Variants in MEI1 observed in about 807,000 individuals in gnomAD.
The protein encoded by MEI1 is meiotic double-stranded break formation protein 1, also known as meiosis inhibitor protein 1.
In MEI1, 103 loss-of-function variants were observed where a neutral mutation model predicts 146.2. The ratio of observed to expected loss-of-function variants is 0.70; its 90% confidence interval spans 0.60 to 0.83. The LOEUF (loss-of-function observed/expected upper bound fraction) is 0.83. MEI1 is among the 40% of genes least tolerant of loss of function. The pLI, the probability that MEI1 is intolerant of heterozygous loss-of-function variation, is 0.00. For synonymous variants in MEI1, 652 were observed against 628.2 expected (o/e 1.04, Z -0.57); for missense variants, 1,529 against 1,533.0 (o/e 1.00, Z 0.04).
intron 1 of MEI1, among the ~76,000 whole-genome samples, chr22:41,701,989 C>T (rs557851705): frequency 6.6e-6 from 1 of 152,164 alleles, no homozygotes; most frequent in African/African-American, 2.4e-5. Context: ...TGAACATAAT[C>T]TGTCAGATGA....
chr22:41,737,746 A>G (rs1470303204), intron 11 of MEI1, among the ~76,000 whole-genome samples: 1 of 152,132 alleles, frequency 6.6e-6, no homozygotes, highest in Non-Finnish European at 1.5e-5. Context: ...CCACTAAAAT[A>G]TAAGCTCCAG....
At chr22:41,763,619 G>A (rs757973013) in intron 19 of MEI1, among the ~76,000 whole-genome samples, 1 of 152,034 alleles carries the variant, frequency 6.6e-6, no homozygotes, top group Non-Finnish European at 1.5e-5. Context: ...GGAGGCTGAG[G>A]TGGGCGGATC....
intron 3 of MEI1, chr22:41,709,509 G>C (rs17002623): frequency 0.024 from 14,203 of 601,854 alleles, 1,465 homozygotes; most frequent in African/African-American, 0.23. Flanking sequence ...CGACGGCAGC[G>C]GGATGTAGGT....
chr22:41,750,689 T>C (rs2073688432), intron 15 of MEI1, among the ~76,000 whole-genome samples: 1 of 152,210 alleles, frequency 6.6e-6, no homozygotes, highest in South Asian at 2.1e-4. Flanking sequence ...GACTGGTTGT[T>C]AGCCCATGTG....
chr22:41,765,883 CTTTTTTTTTTTT>C lies in MEI1; in HGVS notation c.2268+2576_2268+2587del, dbSNP rs1013045266. Reference sequence around the variant, plus strand: ...TCAAATTTCACTATACCAAAATGTTCTTTTTTTTTTTTTTTTTTTTTTTTTAGACGGAGTCTT... The same window carrying C: ...TCAAATTTCACTATACCAAAATGTTCTTTTTTTTTTTTTAGACGGAGTCTT... On this transcript the variant is annotated intron_variant, in intron 19 of 30. Coordinates refer to ENST00000401548, the MANE Select transcript of MEI1 (RefSeq NM_152513.4). 5.8e-5 allele frequency among the ~76,000 whole-genome samples: 5 copies of C among 86,106 alleles called. No individual in the cohort carries two copies. In the South Asian group the frequency reaches 1.9e-3, roughly 33 times the overall value. 56.5% of individuals were successfully genotyped at this position (86,106 alleles called of 152,430 possible). A position where few individuals can be genotyped will look rare whatever the true frequency, so the allele number is the denominator to read the frequency against.
chr22:41,713,791 G>A (rs1190470342), intron 3 of MEI1, among the ~76,000 whole-genome samples: 6 of 152,102 alleles, frequency 3.9e-5, no homozygotes, highest in African/African-American at 9.7e-5. Flanking sequence ...CAGGTGATCC[G>A]CCTGCCTCGG....
chr22:41,789,712 C>T (rs1291733986), intron 26 of MEI1, among the ~76,000 whole-genome samples: 1 of 152,152 alleles, frequency 6.6e-6, no homozygotes, highest in East Asian at 1.9e-4. Flanking sequence ...GTAGGGACCT[C>T]ATGTAAGTGG....
intron 14 of MEI1, among the ~76,000 whole-genome samples, chr22:41,747,049 T>TATA (rs3045435): frequency 2.6e-3 from 382 of 149,428 alleles, no homozygotes; most frequent in Non-Finnish European, 3.9e-3. Context: ...ATATTACTTT[T>TATA]ATAATAATAA....
chr22:41,784,334 G>C lies in MEI1; in HGVS notation c.3088-5G>C. On this transcript the variant is annotated splice_polypyrimidine_tract_variant and splice_region_variant and intron_variant, in intron 24 of 30. Coordinates refer to ENST00000401548, the MANE Select transcript of MEI1 (RefSeq NM_152513.4). ...GGGTTAGCCCTTTACCCTGTGCCCT[G>C]CCAGGTTCACCAGACACTCTCTGTG... is the stretch of plus-strand genomic sequence containing the variant. 6.2e-7 allele frequency: 1 copy of C among 1,613,374 alleles called. No homozygotes were observed. Among genetic ancestry groups the C allele is most frequent in the Non-Finnish European group, 8.5e-7 (1 of 1,179,754 alleles).
At position 41,745,030 on chromosome 22, in the gene MEI1, C is replaced by T. The variant is rs1437238752; in HGVS notation, c.1504C>T (p.Leu502Phe). The stretch of plus-strand genomic sequence containing the variant: ...CATTCTTCAAAGGGGAAAGTTCCTC[C>T]TCAGCACTCTGGAGGGATTTAGAAG... Reference protein sequence around the residue: ...KAILQRGKFLLSTLEGFRSAC... With the variant: ...KAILQRGKFLFSTLEGFRSAC... Residue 502 changes from leucine to phenylalanine, a missense_variant, in exon 13 of 31, where the codon CTC becomes TTC. Physicochemically the swap from Leu to Phe is conservative, Grantham distance 22. Transcript: ENST00000401548. The T allele has an allele frequency of 1.9e-6, 3 of 1,565,088 alleles. No homozygotes were observed. The highest frequency in any genetic ancestry group is 8.7e-7 in the Non-Finnish European group (1 of 1,154,054).
intron 20 of MEI1, among the ~76,000 whole-genome samples, chr22:41,771,383 A>G (rs533839860): frequency 3.9e-5 from 6 of 152,310 alleles, no homozygotes; most frequent in Admixed American, 2.0e-4. Context: ...GACTTACATG[A>G]TAATATTATA....
intron 3 of MEI1, among the ~76,000 whole-genome samples, chr22:41,710,641 A>T (rs1279863593): frequency 6.6e-6 from 1 of 152,200 alleles, no homozygotes; most frequent in Non-Finnish European, 1.5e-5. Context: ...AGTGAATTTT[A>T]TGGGTGTGAT....
chr22:41,722,228 C>G (rs2070916357), intron 6 of MEI1: 1 of 151,708 alleles, frequency 6.6e-6, no homozygotes, highest in Admixed American at 6.6e-5. Context: ...CACCAAGGGT[C>G]TTATATTCTG....
Position 41,699,694 on chromosome 22 carries a change from G to T in MEI1, c.156G>T (p.Leu52=). Residue 52 remains leucine, a synonymous_variant, in exon 1 of 31, where the codon CTG becomes CTT. Transcript: ENST00000401548. Reference sequence around the variant, plus strand: ...GCCTGGCCTGCGCGCTGGAGCTGCTGCCGGACCCCGGCGTGTCGGTGCGGG... The same window carrying T: ...GCCTGGCCTGCGCGCTGGAGCTGCTTCCGGACCCCGGCGTGTCGGTGCGGG... The part of the protein sequence containing the change: ...RLCLACALEL[L]PDPGVSLVRK... The T allele has an allele frequency of 4.4e-6, 7 of 1,583,198 alleles. No homozygotes were observed. The highest frequency in any genetic ancestry group is 6.0e-6 in the Non-Finnish European group (7 of 1,165,576).
At chr22:41,712,672 A>ATGTGTGTGTGTG (rs140926503) in intron 3 of MEI1, among the ~76,000 whole-genome samples, 3,639 of 147,002 alleles carry the variant, frequency 0.025, 168 homozygotes, top group African/African-American at 0.081. Context: ...ATAGAAATAG[A>ATGTGTGTGTGTG]TGTGTGTGTG....
chr22:41,733,076 C>T (rs998737275), intron 11 of MEI1, among the ~76,000 whole-genome samples: 4 of 151,974 alleles, frequency 2.6e-5, no homozygotes, highest in Non-Finnish European at 5.9e-5. Context: ...CCACCGCATC[C>T]AGCTGAAAAT....
intron 6 of MEI1, 52 bp from the exon 7 acceptor site, chr22:41,723,891 C>T: frequency 6.4e-7 from 1 of 1,554,398 alleles, no homozygotes; most frequent in Non-Finnish European, 8.7e-7. Context: ...CTTGGGAGTA[C>T]TCTGGTGCCT....
At chr22:41,715,091 A>G (rs1231684538) in intron 4 of MEI1, among the ~76,000 whole-genome samples, 3 of 152,172 alleles carry the variant, frequency 2.0e-5, no homozygotes, top group Non-Finnish European at 4.4e-5. Context: ...ATAATTATAT[A>G]TATCAGTGCT....
chr22:41,715,351 C>A (rs1018737648), intron 4 of MEI1, among the ~76,000 whole-genome samples: 1 of 151,474 alleles, frequency 6.6e-6, no homozygotes, highest in Non-Finnish European at 1.5e-5. Flanking sequence ...GCCTGGTATA[C>A]AGAGAATGTT....
Sources: allele counts gnomAD v4.1 joint callset (sites outside exome capture counted in the v4.1 genomes callset), GRCh38; gene constraint gnomAD v4.1.1; transcripts MANE v1.5; gene names NCBI Gene and HGNC (gene_info 2026-07-23, HGNC 2026-07-21).